Variants in EPS15L1 observed in about 807,000 individuals in gnomAD.
EPS15L1 encodes epidermal growth factor receptor pathway substrate 15 like 1, also known as epidermal growth factor receptor substrate 15-like 1.
In EPS15L1, 43 loss-of-function variants were observed where a neutral mutation model predicts 117.1. That is an observed-to-expected ratio of 0.37 (90% CI 0.29 to 0.47). The LOEUF (loss-of-function observed/expected upper bound fraction) is 0.47, where lower values mean the gene tolerates loss of function less well. Ranked by LOEUF, EPS15L1 falls within the 20% of genes least tolerant of loss-of-function variation. EPS15L1 has a pLI of 0.99. For synonymous variants in EPS15L1, 459 were observed against 470.5 expected (o/e 0.98, Z 0.32); for missense variants, 981 against 1,164.0 (o/e 0.84, Z 2.29).
In EPS15L1 at chr19:16,404,007, C is replaced by A; in HGVS notation, c.1429-77G>T. ...TGGGACTCCGAGAAAGAACTCTTAG[C>A]CCCCATCCCCGAAACAAGCTAAGCC... On this transcript the variant is annotated intron_variant, in intron 14 of 23. Transcript: ENST00000455140. This position sits in a 1 kb window ranked among gnomAD's most constrained non-coding sequence, Gnocchi z 4.2. 7.4e-7 allele frequency: 1 copy of A among 1,354,718 alleles called. No individual in the cohort carries two copies. The highest frequency in any genetic ancestry group is 1.0e-6 in the Non-Finnish European group (1 of 976,758). 83.9% of individuals were successfully genotyped at this position (1,354,718 alleles called of 1,614,324 possible). A position where few individuals can be genotyped will look rare whatever the true frequency, so the allele number is the denominator to read the frequency against.
At chr19:16,372,521 G>A (rs2092239524) in intron 22 of EPS15L1, among the ~76,000 whole-genome samples, 1 of 152,154 alleles carries the variant, frequency 6.6e-6, no homozygotes. Context: ...TCAACTCCCT[G>A]CACGCTTTTT....
At chr19:16,459,464 G>A (rs1016290215) in intron 1 of EPS15L1, among the ~76,000 whole-genome samples, 5 of 152,198 alleles carry the variant, frequency 3.3e-5, no homozygotes, top group Non-Finnish European at 4.4e-5. Context: ...GAGGGCATGG[G>A]TGAGATTAAA....
chr19:16,394,087 G>A, intron 17 of EPS15L1, 86 bp from the exon 18 acceptor site: 1 of 1,081,260 alleles, frequency 9.2e-7, no homozygotes, highest in South Asian at 1.2e-5. Flanking sequence ...CACCTCCCAA[G>A]CCTTTCATTG....
chr19:16,436,884 G>A (rs780243842), intron 6 of EPS15L1, 53 bp downstream of exon 6: 99 of 1,395,234 alleles, frequency 7.1e-5, no homozygotes, highest in Non-Finnish European at 9.8e-5. Flanking sequence ...ACAACTGCTG[G>A]AACAATTCTA....
chr19:16,389,614 A>C (rs1323610780), intron 19 of EPS15L1, among the ~76,000 whole-genome samples: 2 of 152,216 alleles, frequency 1.3e-5, no homozygotes, highest in Non-Finnish European at 2.9e-5. Flanking sequence ...AAACTAAATG[A>C]CTACTTTTTT....
At chr19:16,395,201 CAAAAAAAA>C in intron 17 of EPS15L1, 135 bp downstream of exon 17, 1 of 458,162 alleles carries the variant, frequency 2.2e-6, no homozygotes, top group Non-Finnish European at 3.4e-6. Context: ...AGTTCGTCTC[CAAAAAAAA>C]AAAAAAAAAA....
At chr19:16,375,464 A>ATATG in intron 22 of EPS15L1, among the ~76,000 whole-genome samples, 1 of 96,852 alleles carries the variant, frequency 1.0e-5, no homozygotes, top group African/African-American at 3.9e-5. Flanking sequence ...GATTATGCAT[A>ATATG]TATGTGTGTG....
intron 12 of EPS15L1, among the ~76,000 whole-genome samples, chr19:16,415,540 T>G (rs886320590): frequency 6.6e-6 from 1 of 152,190 alleles, no homozygotes; most frequent in African/African-American, 2.4e-5. Flanking sequence ...AAACTTACAA[T>G]ACAAAGTGCT....
Position 16,365,642 on chromosome 19 carries a change from G to T in EPS15L1, c.2381-3658C>A, listed in dbSNP as rs62118095. ...GCACCCCAGCCTGTGGGTTTGCAGG[G>T]GATAGGGACAGTGACCTCAGCCAGT... On this transcript the variant is annotated intron_variant, in intron 22 of 23. Coordinates refer to ENST00000455140, the MANE Select transcript of EPS15L1 (RefSeq NM_001258374.3). This position sits in a 1 kb window ranked among gnomAD's most constrained non-coding sequence, Gnocchi z 4.9. 1.3e-5 allele frequency among the ~76,000 whole-genome samples: 2 copies of T among 152,212 alleles called. No homozygotes were observed. Among genetic ancestry groups the T allele is most frequent in the East Asian group, 3.8e-4 (2 of 5,202 alleles).
rs904993304 is a variant in EPS15L1 at position 16,361,839 on chromosome 19, G to A, written c.2526C>T (p.Val842=). ...TAGAAGGTTTAGCTGCAGAGGAGGG[G>A]ACAAATGGGTCTTTTCCACTAAACG... ...GDPFSGKDPF[V]PSSAAKPSKA... The change falls in exon 23 of 24, where the codon GTC becomes GTT. Residue 842 remains valine, a synonymous_variant. Transcript: ENST00000455140. 2 of 1,614,038 alleles carry A rather than the reference G, an allele frequency of 1.2e-6. No individual in the cohort carries two copies. Among genetic ancestry groups the A allele is most frequent in the Non-Finnish European group, 8.5e-7 (1 of 1,179,992 alleles).
chr19:16,359,010 C>G (rs2092018040), intron 23 of EPS15L1, among the ~76,000 whole-genome samples: 1 of 152,124 alleles, frequency 6.6e-6, no homozygotes, highest in Non-Finnish European at 1.5e-5. Context: ...GCAAATAACC[C>G]ATTGATGGAA....
chr19:16,446,528 C>T (rs566195401), intron 1 of EPS15L1, among the ~76,000 whole-genome samples: 15 of 152,200 alleles, frequency 9.9e-5, no homozygotes, highest in Non-Finnish European at 1.8e-4. Flanking sequence ...CTCCCGACAA[C>T]GCTAAAGGGC....
chr19:16,453,486 G>A (rs1343683985), intron 1 of EPS15L1, among the ~76,000 whole-genome samples: 3 of 152,100 alleles, frequency 2.0e-5, no homozygotes, highest in African/African-American at 7.2e-5. Flanking sequence ...GGCCGAGGTG[G>A]GCGGATCATG....
chr19:16,389,378 C>T (rs1175507135), intron 19 of EPS15L1, among the ~76,000 whole-genome samples: 1 of 152,016 alleles, frequency 6.6e-6, no homozygotes. Flanking sequence ...TGCTTGAGCC[C>T]AGGAGGTTGA....
chr19:16,426,005 G>A (rs1268056665), intron 8 of EPS15L1, among the ~76,000 whole-genome samples: 3 of 152,186 alleles, frequency 2.0e-5, no homozygotes, highest in African/African-American at 4.8e-5. Flanking sequence ...ACTCATCAGC[G>A]ATGGTGGAAC....
At chr19:16,459,470 T>C (rs1219751048) in intron 1 of EPS15L1, among the ~76,000 whole-genome samples, 2 of 152,050 alleles carry the variant, frequency 1.3e-5, no homozygotes, top group African/African-American at 4.8e-5. Flanking sequence ...ATGGGTGAGA[T>C]TAAAGTGTTG....
intron 1 of EPS15L1, among the ~76,000 whole-genome samples, chr19:16,445,928 C>T (rs1427757902): frequency 3.3e-5 from 5 of 152,202 alleles, no homozygotes; most frequent in Non-Finnish European, 7.3e-5. Context: ...ACGCCATCTT[C>T]GCCTCTGCAG....
At chr19:16,414,488 C>T (rs1316713019) in intron 12 of EPS15L1, among the ~76,000 whole-genome samples, 2 of 151,942 alleles carry the variant, frequency 1.3e-5, no homozygotes, top group Admixed American at 6.6e-5. Context: ...GCATCCTCCG[C>T]CTCCCCAGTT....
intron 3 of EPS15L1, chr19:16,441,685 G>C (rs546722627): frequency 2.3e-6 from 1 of 434,188 alleles, no homozygotes; most frequent in East Asian, 3.6e-5. Flanking sequence ...AAAGTACTCG[G>C]GTTTCTTATC....
Sources: allele counts gnomAD v4.1 joint callset (sites outside exome capture counted in the v4.1 genomes callset), GRCh38; gene constraint gnomAD v4.1.1; non-coding constraint Gnocchi (gnomAD v3.1); transcripts MANE v1.5; gene names NCBI Gene and HGNC (gene_info 2026-07-23, HGNC 2026-07-21).